The following AP3S2 variants were observed in gnomAD, a reference collection of about 807,000 sequenced individuals.
AP3S2 encodes adaptor related protein complex 3 subunit sigma 2, also known as AP-3 complex subunit sigma-2.
Under a neutral mutation model 23.4 loss-of-function variants are expected in AP3S2, and 22 were observed. The observed-to-expected ratio is 0.94, with a 90% CI of 0.67 to 1.34. The LOEUF (loss-of-function observed/expected upper bound fraction) is 1.34. Ranked by LOEUF, AP3S2 falls within the 40% of genes most tolerant of loss-of-function variation. The pLI, the probability that AP3S2 is intolerant of heterozygous loss-of-function variation, is 0.00. For missense variants in AP3S2, 241 were observed against 236.9 expected (o/e 1.02, Z -0.11); for synonymous variants, 86 against 87.1 (o/e 0.99, Z 0.07).
intron 4 of AP3S2, among the ~76,000 whole-genome samples, chr15:89,838,590 C>T (rs971645248): frequency 2.0e-5 from 3 of 152,166 alleles, no homozygotes; most frequent in Non-Finnish European, 4.4e-5. Context: ...GAATGGTACT[C>T]CATATTTCAA....
intron 4 of AP3S2, among the ~76,000 whole-genome samples, chr15:89,843,508 T>C (rs965192211): frequency 1.8e-4 from 27 of 151,866 alleles, no homozygotes; most frequent in African/African-American, 5.6e-4. Context: ...TGTGGTGGCA[T>C]GCACCTGTAA....
At chr15:89,893,029 T>C (rs1462546038) in intron 1 of AP3S2, 1 of 152,240 alleles carries the variant, frequency 6.6e-6, no homozygotes, top group Non-Finnish European at 1.5e-5. Flanking sequence ...TTAAAAATCT[T>C]ATGAAGGAGT....
At chr15:89,850,772 C>G (rs1031395046) in intron 4 of AP3S2, 1 of 151,570 alleles carries the variant, frequency 6.6e-6, no homozygotes, top group African/African-American at 2.4e-5. Flanking sequence ...AGCTGCAGAG[C>G]AGAGGCGTGA....
chr15:89,891,446 G>A (rs183183323), intron 1 of AP3S2, among the ~76,000 whole-genome samples: 27 of 152,256 alleles, frequency 1.8e-4, no homozygotes, highest in African/African-American at 6.5e-4. Context: ...ATTACTTGTG[G>A]TCAGGAGTTC....
At chr15:89,870,530 G>A (rs571631005) in intron 4 of AP3S2, among the ~76,000 whole-genome samples, 1 of 152,254 alleles carries the variant, frequency 6.6e-6, no homozygotes, top group East Asian at 1.9e-4. Context: ...CACTACATTA[G>A]CCTGGAAAGT....
chr15:89,869,702 C>T (rs1896272638), intron 4 of AP3S2, among the ~76,000 whole-genome samples: 1 of 151,904 alleles, frequency 6.6e-6, no homozygotes, highest in Non-Finnish European at 1.5e-5. Flanking sequence ...AAAGAACCCA[C>T]TTTGCACACT....
rs549784148 is a variant in AP3S2 at position 89,888,469 on chromosome 15, A to G, written c.273+52T>C. The stretch of plus-strand genomic sequence containing the variant: ...GGTTCTACAGGCTGGTTACTCAAAA[A>G]TCCCGTGGAAACTCTCTAAAGCTGC... On this transcript the variant is annotated intron_variant, in intron 3 of 5. Transcript: ENST00000336418. 2.5e-6 allele frequency: 4 copies of G among 1,586,026 alleles called. No homozygotes were observed. The African/African-American group carries it at 5.4e-5, about 21-fold the overall frequency.
At position 89,833,302 on chromosome 15, in the gene AP3S2, G is replaced by A. The variant is rs939820143; in HGVS notation, c.*2213C>T. On this transcript the variant is annotated 3_prime_UTR_variant, in exon 6 of 6. Coordinates refer to ENST00000336418, the MANE Select transcript of AP3S2 (RefSeq NM_005829.5). Reference sequence around the variant, plus strand: ...ATCAAGCCTATTTAGACCACGGTTTGTGAGAAGTCAGACTCTCTGAGGCTC... The same window carrying A: ...ATCAAGCCTATTTAGACCACGGTTTATGAGAAGTCAGACTCTCTGAGGCTC... 1 of 152,150 alleles carries A rather than the reference G, an allele frequency of 6.6e-6. No homozygotes were observed. Among genetic ancestry groups the A allele is most frequent in the Admixed American group, 6.5e-5 (1 of 15,276 alleles). 9.4% of individuals were successfully genotyped at this position (152,150 alleles called of 1,614,324 possible).
intron 4 of AP3S2, among the ~76,000 whole-genome samples, chr15:89,846,836 AT>A (rs1274052029): frequency 2.0e-5 from 3 of 151,504 alleles, no homozygotes. Context: ...CACCTGGCTA[AT>A]TTTTGTATTT....
intron 4 of AP3S2, chr15:89,850,810 C>G (rs1449084214): frequency 6.6e-6 from 1 of 152,026 alleles, no homozygotes; most frequent in Non-Finnish European, 1.5e-5. Context: ...CATGGCCTCC[C>G]AGGCTCAAGT....
chr15:89,871,631 G>T (rs186209598), intron 3 of AP3S2, 85 bp from the exon 4 acceptor site: 1 of 1,378,402 alleles, frequency 7.3e-7, no homozygotes, highest in Non-Finnish European at 1.0e-6. Flanking sequence ...AGTAAAAGGG[G>T]CTGTCACAAT....
intron 3 of AP3S2, chr15:89,883,822 A>G (rs1483656145): frequency 6.6e-6 from 1 of 152,228 alleles, no homozygotes; most frequent in African/African-American, 2.4e-5. Context: ...AAGGGGAAGA[A>G]GGATATTTTT....
At chr15:89,874,706 C>A (rs1445290243) in intron 3 of AP3S2, among the ~76,000 whole-genome samples, 1 of 152,182 alleles carries the variant, frequency 6.6e-6, no homozygotes, top group Non-Finnish European at 1.5e-5. Context: ...TGCTTGAGCC[C>A]AGGAATTCAA....
intron 4 of AP3S2, among the ~76,000 whole-genome samples, chr15:89,842,896 C>A (rs912376018): frequency 6.6e-6 from 1 of 152,180 alleles, no homozygotes; most frequent in Non-Finnish European, 1.5e-5. Context: ...CAGGCGTAAG[C>A]CACTGTGCCC....
intron 4 of AP3S2, among the ~76,000 whole-genome samples, chr15:89,851,606 G>A (rs866042388): frequency 1.2e-4 from 19 of 152,026 alleles, no homozygotes; most frequent in Middle Eastern, 3.4e-3. Flanking sequence ...CAAAGTGCTG[G>A]GATTACAGGC....
intron 3 of AP3S2, among the ~76,000 whole-genome samples, chr15:89,880,855 A>G (rs1370936048): frequency 6.6e-6 from 1 of 152,208 alleles, no homozygotes; most frequent in Non-Finnish European, 1.5e-5. Context: ...GGAACATACC[A>G]TTGTTGACAC....
At chr15:89,849,617 T>C (rs900964471) in intron 4 of AP3S2, among the ~76,000 whole-genome samples, 1 of 152,168 alleles carries the variant, frequency 6.6e-6, no homozygotes, top group African/African-American at 2.4e-5. Flanking sequence ...TCTGCCCACC[T>C]TGGCCTCCCA....
At chr15:89,844,209 C>CTCTTTCTTTCTTTCTTTCTT (rs71151535) in intron 4 of AP3S2, among the ~76,000 whole-genome samples, 1 of 129,108 alleles carries the variant, frequency 7.7e-6, no homozygotes, top group Non-Finnish European at 1.8e-5. Flanking sequence ...TTCTTTCTTT[C>CTCTTTCTTTCTTTCTTTCTT]TCTTTCTTTC....
At chr15:89,858,488 A>AC (rs1491196134) in intron 4 of AP3S2, among the ~76,000 whole-genome samples, 1 of 43,848 alleles carries the variant, frequency 2.3e-5, no homozygotes, top group Non-Finnish European at 4.8e-5. Flanking sequence ...AGAAAGAAAG[A>AC]AAGAAAGAGA....
Sources: allele counts gnomAD v4.1 joint callset (sites outside exome capture counted in the v4.1 genomes callset), GRCh38; gene constraint gnomAD v4.1.1; transcripts MANE v1.5; gene names NCBI Gene and HGNC (gene_info 2026-07-23, HGNC 2026-07-21).